The following PTPRD variants were observed in gnomAD, a reference collection of about 807,000 sequenced individuals.
PTPRD encodes protein tyrosine phosphatase receptor type D.
Under a neutral mutation model 214.5 loss-of-function variants are expected in PTPRD, and 34 were observed. The observed-to-expected ratio is 0.16, with a 90% CI of 0.12 to 0.21. The LOEUF (loss-of-function observed/expected upper bound fraction) is 0.21. PTPRD is among the 10% of genes least tolerant of loss of function. The pLI is 1.00. For synonymous variants in PTPRD, 1,128 were observed against 845.7 expected, an observed-to-expected ratio of 1.33 and a Z score of -5.79; for missense variants, 2,545 against 2,398.7, an observed-to-expected ratio of 1.06 and a Z score of -1.27.
intron 9 of PTPRD, among the ~76,000 whole-genome samples, chr9:9,185,682 C>T (rs2099930939): frequency 1.3e-5 from 2 of 152,006 alleles, no homozygotes; most frequent in Admixed American, 1.3e-4. Flanking sequence ...TATTCCATTA[C>T]TCATTTAGAT....
At chr9:9,318,060 A>T (rs1469720292) in intron 9 of PTPRD, among the ~76,000 whole-genome samples, 1 of 152,082 alleles carries the variant, frequency 6.6e-6, no homozygotes, top group Non-Finnish European at 1.5e-5. Context: ...AATCCCAGCT[A>T]CTTGGGAAGC....
At chr9:8,931,181 C>G (rs10453210) in intron 11 of PTPRD, among the ~76,000 whole-genome samples, 73,893 of 150,822 alleles carry the variant, frequency 0.49, 18,425 homozygotes, top group Middle Eastern at 0.59. Flanking sequence ...TCTACATATG[C>G]CTAGCCAGTT....
intron 3 of PTPRD, among the ~76,000 whole-genome samples, chr9:10,187,615 T>G (rs1474046726): frequency 1.3e-5 from 2 of 152,204 alleles, no homozygotes; most frequent in Non-Finnish European, 2.9e-5. Context: ...AGACAGTAGG[T>G]ACATCGCTCT....
At chr9:8,801,900 T>C (rs528875514) in intron 11 of PTPRD, among the ~76,000 whole-genome samples, 1 of 152,052 alleles carries the variant, frequency 6.6e-6, no homozygotes, top group Non-Finnish European at 1.5e-5. Context: ...AAGCAGTTTT[T>C]AAAAAAGAAA....
intron 10 of PTPRD, among the ~76,000 whole-genome samples, chr9:9,098,593 T>A (rs79978737): frequency 6.6e-6 from 1 of 152,170 alleles, no homozygotes; most frequent in Non-Finnish European, 1.5e-5. Context: ...ATTATTACAA[T>A]TTGAGTGTCT....
rs575086229 is a variant in PTPRD at position 10,111,327 on chromosome 9, C to T, written c.-544-77537G>A. The stretch of plus-strand genomic sequence containing the variant: ...GATCTCGGCTCACTGCAAGCTCCGC[C>T]TCCTGGGTTCATGCCATTCTCCTGC... On this transcript the variant is annotated intron_variant, in intron 3 of 45. Transcript: ENST00000381196. Among the ~76,000 whole-genome samples, 144 of 143,368 alleles carry T rather than the reference C, an allele frequency of 1.0e-3. 3 individuals are homozygous for T. The highest frequency in any genetic ancestry group is 3.5e-3 in the African/African-American group (133 of 38,368). 94.1% of individuals were successfully genotyped at this position (143,368 alleles called of 152,430 possible).
At chr9:10,477,293 AT>A (rs2099069333) in intron 2 of PTPRD, among the ~76,000 whole-genome samples, 1 of 152,170 alleles carries the variant, frequency 6.6e-6, no homozygotes, top group South Asian at 2.1e-4. Context: ...CAAGAAAAAA[AT>A]AAACAACCCC....
At chr9:10,501,935 C>G (rs150361884) in intron 2 of PTPRD, among the ~76,000 whole-genome samples, 11 of 151,964 alleles carry the variant, frequency 7.2e-5, no homozygotes, top group African/African-American at 2.6e-4. Flanking sequence ...TACTGATTTA[C>G]CTGGTCCATT....
intron 5 of PTPRD, among the ~76,000 whole-genome samples, chr9:9,793,625 C>G (rs934856496): frequency 1.3e-4 from 19 of 151,976 alleles, no homozygotes; most frequent in Middle Eastern, 3.4e-3. Context: ...TTATATATAT[C>G]CTAAACGTGA....
intron 12 of PTPRD, among the ~76,000 whole-genome samples, chr9:8,698,381 A>G (rs1357358419): frequency 6.6e-6 from 1 of 152,226 alleles, no homozygotes; most frequent in African/African-American, 2.4e-5. Context: ...CGGTGGCTGT[A>G]GGCATAGTTT....
At chr9:8,917,504 C>G (rs1334803280) in intron 11 of PTPRD, among the ~76,000 whole-genome samples, 1 of 151,990 alleles carries the variant, frequency 6.6e-6, no homozygotes, top group East Asian at 1.9e-4. Flanking sequence ...AAGCTGTGGT[C>G]TACTTGTAAC....
At chr9:8,878,351 C>T (rs933014300) in intron 11 of PTPRD, among the ~76,000 whole-genome samples, 6 of 151,982 alleles carry the variant, frequency 3.9e-5, no homozygotes, top group Non-Finnish European at 8.8e-5. Context: ...TGTAACTAGC[C>T]AGACAAATTA....
chr9:10,378,941 T>C (rs2097774393), intron 2 of PTPRD, among the ~76,000 whole-genome samples: 1 of 151,972 alleles, frequency 6.6e-6, no homozygotes, highest in African/African-American at 2.4e-5. Flanking sequence ...ATTCTTCCAG[T>C]TCATGAACAT....
At chr9:10,432,254 G>A (rs1229066402) in intron 2 of PTPRD, among the ~76,000 whole-genome samples, 1 of 138,598 alleles carries the variant, frequency 7.2e-6, no homozygotes, top group Non-Finnish European at 1.5e-5. Context: ...CATGGACACA[G>A]GAAGGGGAAT....
intron 11 of PTPRD, among the ~76,000 whole-genome samples, chr9:8,950,967 G>T (rs147062989): frequency 6.6e-6 from 1 of 151,934 alleles, no homozygotes; most frequent in Non-Finnish European, 1.5e-5. Flanking sequence ...TTTCAGAAAC[G>T]TTTTGATAGT....
intron 10 of PTPRD, among the ~76,000 whole-genome samples, chr9:9,064,356 G>A (rs930348896): frequency 6.6e-6 from 1 of 152,052 alleles, no homozygotes; most frequent in Non-Finnish European, 1.5e-5. Flanking sequence ...TAGGTCATCA[G>A]GATTTCTTTA....
At chr9:9,231,569 C>G (rs1248618217) in intron 9 of PTPRD, among the ~76,000 whole-genome samples, 1 of 152,074 alleles carries the variant, frequency 6.6e-6, no homozygotes, top group Non-Finnish European at 1.5e-5. Context: ...ACCTAATTTT[C>G]CAACAAATAA....
intron 11 of PTPRD, among the ~76,000 whole-genome samples, chr9:8,960,580 T>C (rs865802220): frequency 6.6e-6 from 1 of 152,074 alleles, no homozygotes; most frequent in East Asian, 1.9e-4. Flanking sequence ...AGATCAAATA[T>C]TGAAGTATTG....
At chr9:8,990,968 A>G (rs1356682212) in intron 11 of PTPRD, among the ~76,000 whole-genome samples, 1 of 151,994 alleles carries the variant, frequency 6.6e-6, no homozygotes, top group Non-Finnish European at 1.5e-5. Context: ...TAGTCCCAAC[A>G]CTTTGGGAGG....
Sources: allele counts gnomAD v4.1 joint callset (sites outside exome capture counted in the v4.1 genomes callset), GRCh38; gene constraint gnomAD v4.1.1; transcripts MANE v1.5; gene names NCBI Gene and HGNC (gene_info 2026-07-23, HGNC 2026-07-21).